Variants in FAM153A observed in about 807,000 individuals in gnomAD.
The protein encoded by FAM153A is family with sequence similarity 153 member A, also known as protein FAM153A.
In FAM153A, 12 loss-of-function variants were observed where a neutral mutation model predicts 48.1. The observed-to-expected ratio is 0.25, with a 90% confidence interval of 0.16 to 0.40. The LOEUF (loss-of-function observed/expected upper bound fraction) is 0.40, where lower values mean the gene tolerates loss of function less well. FAM153A is among the 10% of genes least tolerant of loss of function. The probability of loss-of-function intolerance (pLI) is 1.00; values close to 1 mark genes in which losing one functional copy is unlikely to be tolerated. For missense variants in FAM153A, 111 were observed against 345.8 expected (o/e 0.32, Z 5.38); for synonymous variants, 36 against 118.2 (o/e 0.30, Z 4.51).
chr5:177,715,217 T>C (rs147136852), intron 25 of FAM153A, among the ~76,000 whole-genome samples: 3,124 of 151,832 alleles, frequency 0.021, 172 homozygotes, highest in African/African-American at 0.071. Context: ...CTCCTGACCT[T>C]GTGATCCGTC....
chr5:177,717,616 C>A (rs1268721421), downstream of FAM153A, among the ~76,000 whole-genome samples: 1 of 148,648 alleles, frequency 6.7e-6, no homozygotes, highest in Non-Finnish European at 1.5e-5. Flanking sequence ...ACTATCTCAA[C>A]CAAAATTATT....
chr5:177,770,851 A>T lies in FAM153A; in HGVS notation c.-57+9598T>A, dbSNP rs1465328250. Among the ~76,000 whole-genome samples, 2 of 99,384 alleles carry T rather than the reference A, an allele frequency of 2.0e-5. 1 individual carries two copies. Among genetic ancestry groups the T allele is most frequent in the Non-Finnish European group, 4.2e-5 (2 of 47,664 alleles). 65.2% of individuals were successfully genotyped at this position (99,384 alleles called of 152,430 possible). A position where few individuals can be genotyped will look rare whatever the true frequency, so the allele number is the denominator to read the frequency against. ...GGCCGTGCATGTGTGGGAGGCATGGAACATAGGAGAAATCTCTGTACCTTC... is the reference window on the plus strand; with the variant it reads ...GGCCGTGCATGTGTGGGAGGCATGGTACATAGGAGAAATCTCTGTACCTTC... On this transcript the variant is annotated intron_variant, in intron 1 of 8. Coordinates refer to the FAM153A transcript ENST00000393518.
At chr5:177,744,811 C>T in intron 5 of FAM153A, 77 bp downstream of exon 7, 2 of 928,788 alleles carry the variant, frequency 2.2e-6, no homozygotes, top group South Asian at 3.5e-5. Flanking sequence ...GTCAGAGTCT[C>T]ATATCTTAAT....
chr5:177,698,816 C>T, the FAM153A span, among the ~76,000 whole-genome samples: 1 of 151,580 alleles, frequency 6.6e-6, no homozygotes, highest in Admixed American at 6.6e-5. Context: ...TGCCACCATG[C>T]CTGGCTAATT....
chr5:177,757,442 AT>A (rs1368261178), upstream of FAM153A, among the ~76,000 whole-genome samples: 1 of 109,198 alleles, frequency 9.2e-6, no homozygotes, highest in Non-Finnish European at 1.9e-5. Context: ...ATTCCAATCA[AT>A]AGAAAAAGAG....
chr5:177,745,912 C>A (rs1489379895), intron 4 of FAM153A, among the ~76,000 whole-genome samples: 2 of 151,320 alleles, frequency 1.3e-5, no homozygotes, highest in African/African-American at 4.9e-5. Context: ...CTCAAACAAA[C>A]CCTGGGTTAG....
chr5:177,755,459 C>A (rs556339565), upstream of FAM153A, among the ~76,000 whole-genome samples: 1 of 151,884 alleles, frequency 6.6e-6, no homozygotes, highest in African/African-American at 2.4e-5. Context: ...GGCAGGCCAA[C>A]ATTCAAATTC....
At chr5:177,706,183 AAT>A (rs149905562), downstream of FAM153A, among the ~76,000 whole-genome samples, 17,823 of 151,242 alleles carry the variant, frequency 0.12, 1,352 homozygotes, top group East Asian at 0.33. Flanking sequence ...AGTTGGAAAA[AAT>A]ATGTTTTTTT....
chr5:177,759,665 G>T (rs1253183255), intron 1 of FAM153A, among the ~76,000 whole-genome samples: 1 of 151,334 alleles, frequency 6.6e-6, no homozygotes, highest in Non-Finnish European at 1.5e-5. Context: ...TCCTTTGTAG[G>T]GACATGGATG....
rs373710984 is a variant in FAM153A, at chr5:177,769,740, C to A, written c.-57+10709G>T. On this transcript the variant is annotated intron_variant, in intron 1 of 8. Transcript: ENST00000393518. Reference sequence around the variant, plus strand: ...GCTATATACTCTGCCCTACGTATAACAAGGCCCAAATTCACCTGCCATTTT... The same window carrying A: ...GCTATATACTCTGCCCTACGTATAAAAAGGCCCAAATTCACCTGCCATTTT... Among the ~76,000 whole-genome samples, 16 of 94,580 alleles carry A rather than the reference C, an allele frequency of 1.7e-4. 6 individuals carry two copies. Among genetic ancestry groups the A allele is most frequent in the Non-Finnish European group, 1.5e-4 (7 of 46,230 alleles). 62.0% of individuals were successfully genotyped at this position (94,580 alleles called of 152,430 possible).
At chr5:177,779,204 G>C (rs7378862) in intron 1 of FAM153A, among the ~76,000 whole-genome samples, 37,964 of 146,554 alleles carry the variant, frequency 0.26, 5,458 homozygotes, top group South Asian at 0.38. Flanking sequence ...AGAATTGCAT[G>C]CAAGCTGTAG....
At chr5:177,736,995 C>T (rs1169243163) in intron 11 of FAM153A, 47 bp downstream of exon 13, 1 of 1,344,074 alleles carries the variant, frequency 7.4e-7, no homozygotes, top group African/African-American at 1.8e-5. Flanking sequence ...AACAGAGAAA[C>T]CGAGAGAAAT....
chr5:177,697,114 C>A, the FAM153A span, among the ~76,000 whole-genome samples: 1 of 151,744 alleles, frequency 6.6e-6, no homozygotes, highest in Non-Finnish European at 1.5e-5. Flanking sequence ...TCTTTAATTT[C>A]TCTCAGCACC....
At chr5:177,782,906 G>C (rs1769824005), upstream of FAM153A, 1 of 93,240 alleles carries the variant, frequency 1.1e-5, no homozygotes, top group Non-Finnish European at 2.2e-5. Context: ...CTCCTGGGCT[G>C]GCCAGGGCTG....
intron 12 of FAM153A, among the ~76,000 whole-genome samples, chr5:177,735,211 T>C (rs975208484): frequency 2.7e-5 from 4 of 149,986 alleles, no homozygotes; most frequent in East Asian, 1.9e-4. Context: ...TGCCCTCTTA[T>C]TGATCCCTGA....
At chr5:177,748,895 C>T (rs1462232206) in intron 2 of FAM153A, among the ~76,000 whole-genome samples, 196 bp from the exon 5 acceptor site, 11 of 139,544 alleles carry the variant, frequency 7.9e-5, no homozygotes, top group African/African-American at 2.5e-4. Context: ...GAAGTCAGGA[C>T]CTGGTTCTCT....
At chr5:177,752,618 C>CAAAAA (rs71274705) in intron 1 of FAM153A, among the ~76,000 whole-genome samples, 362 of 30,978 alleles carry the variant, frequency 0.012, no homozygotes, top group Non-Finnish European at 0.014. Context: ...GAGACTCTGC[C>CAAAAA]AAAAAAAAAA....
chr5:177,737,042 C>T lies in FAM153A; in HGVS notation c.633G>A (p.Thr211=), dbSNP rs780707986. ...TTCAGAGGAAAGAAGACGACTTTAC[C>T]GTGTGAACTTCTGTGGCTTCCTCAG... The change falls in exon 11 of 21, where the codon ACG becomes ACA. Residue 211 remains threonine, a splice_region_variant and synonymous_variant. Transcript: ENST00000614127. 20 of 1,471,530 alleles carry T rather than the reference C, an allele frequency of 1.4e-5. 2 individuals carry two copies. The highest frequency in any genetic ancestry group is 1.7e-5 in the Non-Finnish European group (19 of 1,088,028). The allele number at this position is 1,471,530 out of a possible 1,614,324, so 91.2% of individuals were successfully genotyped here.
the FAM153A span, among the ~76,000 whole-genome samples, chr5:177,694,893 G>A: frequency 6.6e-6 from 1 of 151,342 alleles, no homozygotes; most frequent in Non-Finnish European, 1.5e-5. Flanking sequence ...CAGGGTCACA[G>A]GATTATTTTC....
Sources: gnomAD v4.1 joint callset for allele counts (sites outside exome capture counted in the v4.1 genomes callset) on GRCh38, gnomAD v4.1.1 for gene constraint, MANE v1.5 for transcripts, NCBI Gene and HGNC (gene_info 2026-07-23, HGNC 2026-07-21) for gene names.